The following ZFYVE28 variants were observed in gnomAD, a reference collection of about 807,000 sequenced individuals.
ZFYVE28 encodes the protein zinc finger FYVE-type containing 28.
Under a neutral mutation model 82.1 loss-of-function variants are expected in ZFYVE28, and 40 were observed. That is an observed-to-expected ratio of 0.49 (90% confidence interval 0.38 to 0.63). The LOEUF (loss-of-function observed/expected upper bound fraction) is 0.63, where lower values mean the gene tolerates loss of function less well. Ranked by LOEUF, ZFYVE28 falls within the 30% of genes least tolerant of loss-of-function variation. The probability of loss-of-function intolerance (pLI) is 0.00; values close to 1 mark genes in which losing one functional copy is unlikely to be tolerated. For missense variants in ZFYVE28, 1,321 were observed against 1,242.1 expected (o/e 1.06, Z -0.96); for synonymous variants, 612 against 546.1 (o/e 1.12, Z -1.68).
intron 1 of ZFYVE28, among the ~76,000 whole-genome samples, chr4:2,414,435 T>A (rs1005694556): frequency 2.6e-5 from 4 of 152,236 alleles, no homozygotes; most frequent in Admixed American, 2.6e-4. Flanking sequence ...AGTTGCCAAA[T>A]ACACATCACT....
At chr4:2,391,799 G>A (rs1729869264) in intron 1 of ZFYVE28, among the ~76,000 whole-genome samples, 1 of 147,100 alleles carries the variant, frequency 6.8e-6, no homozygotes, top group South Asian at 2.2e-4. Context: ...GCAGTGGTGT[G>A]ATCTCAGCTC....
chr4:2,288,612 T>C (rs1188431988), intron 8 of ZFYVE28, among the ~76,000 whole-genome samples: 1 of 152,234 alleles, frequency 6.6e-6, no homozygotes, highest in South Asian at 2.1e-4. Context: ...CTGAAGGCCC[T>C]TGGGCATCAC....
chr4:2,320,296 G>T lies in ZFYVE28; in HGVS notation c.702-25C>A, dbSNP rs1718889275. On this transcript the variant is annotated intron_variant, in intron 6 of 12. Transcript: ENST00000290974. This position sits in a 1 kb window ranked among gnomAD's most constrained non-coding sequence, Gnocchi z 5.1. The stretch of plus-strand genomic sequence containing the variant: ...ACTGCATTTGAGACACAAAAGCCAG[G>T]ATGTCAGGCCCTGTGGCCCCCTGGG... The T allele has an allele frequency of 6.2e-7, 1 of 1,608,296 alleles. No homozygotes were observed. The highest frequency in any genetic ancestry group is 1.3e-5 in the African/African-American group (1 of 74,692).
intron 1 of ZFYVE28, among the ~76,000 whole-genome samples, chr4:2,399,221 T>C (rs373372219): frequency 9.8e-4 from 148 of 151,172 alleles, no homozygotes; most frequent in African/African-American, 3.1e-3. Context: ...TGATAACCAG[T>C]GCACAATGTG....
rs1213207777 is a variant in ZFYVE28 at position 2,408,782 on chromosome 4, T to C, written c.39+9503A>G. ...CCCCACACTGTGAGTCCTGCCCATATAAGCCCCACCTAGATGAAGCCACGC... is the reference window on the plus strand; with the variant it reads ...CCCCACACTGTGAGTCCTGCCCATACAAGCCCCACCTAGATGAAGCCACGC... On this transcript the variant is annotated intron_variant, in intron 1 of 12. Transcript: ENST00000290974. This position sits in a 1 kb window ranked among gnomAD's most constrained non-coding sequence, Gnocchi z 4.3. 1.3e-5 allele frequency among the ~76,000 whole-genome samples: 2 copies of C among 151,966 alleles called. No individual in the cohort carries two copies. The highest frequency in any genetic ancestry group is 2.9e-5 in the Non-Finnish European group (2 of 67,968).
At chr4:2,365,661 CG>C (rs1578266917) in intron 1 of ZFYVE28, among the ~76,000 whole-genome samples, 1 of 152,146 alleles carries the variant, frequency 6.6e-6, no homozygotes, top group African/African-American at 2.4e-5. Context: ...TGCTGGAAGA[CG>C]GCCAGCACTG....
chr4:2,275,217 G>A (rs1213335634), intron 8 of ZFYVE28, among the ~76,000 whole-genome samples: 2 of 152,174 alleles, frequency 1.3e-5, no homozygotes, highest in African/African-American at 4.8e-5. Flanking sequence ...CAGCAGCTGC[G>A]TCCTCAGCTT....
chr4:2,294,651 A>AAAGAC (rs1330794984), intron 8 of ZFYVE28, among the ~76,000 whole-genome samples: 8 of 152,268 alleles, frequency 5.3e-5, no homozygotes, highest in Admixed American at 4.6e-4. Context: ...GTTAGAATGA[A>AAAGAC]AAGACAAGAC....
At chr4:2,331,820 C>A (rs1033764268) in intron 6 of ZFYVE28, among the ~76,000 whole-genome samples, 1 of 152,212 alleles carries the variant, frequency 6.6e-6, no homozygotes, top group Non-Finnish European at 1.5e-5. Flanking sequence ...CCCAGCACTC[C>A]CTTCCACCTC....
chr4:2,407,011 C>T (rs188498920), intron 1 of ZFYVE28, among the ~76,000 whole-genome samples: 440 of 152,152 alleles, frequency 2.9e-3, no homozygotes, highest in Admixed American at 4.3e-3. Flanking sequence ...TGATTGCTGT[C>T]CAGGCATTGC....
chr4:2,330,751 G>A (rs1002017901), intron 6 of ZFYVE28: 15 of 1,500,834 alleles, frequency 1.0e-5, no homozygotes, highest in African/African-American at 1.4e-5. Flanking sequence ...ACAGTGCGGG[G>A]GAGGGGACAG....
rs753399338 is a variant in ZFYVE28 at position 2,304,730 on chromosome 4, G to A, written c.1610C>T (p.Ala537Val). The part of the protein sequence containing the change: ...LDSAVATQEA[A>V]SEPVAEGMDG... ...CATCCCCTCGGCCACGGGCTCCGAG[G>A]CGGCCTCCTGGGTGGCGACCGCAGA... Residue 537 changes from alanine to valine, a missense_variant, in exon 8 of 13, where the codon GCC becomes GTC. By Grantham distance (64) the Ala-to-Val change is moderately conservative. Transcript: ENST00000290974. 4 of 1,612,708 alleles carry A rather than the reference G, an allele frequency of 2.5e-6. No individual in the cohort carries two copies. The highest frequency in any genetic ancestry group is 3.3e-5 in the Admixed American group (2 of 60,014).
At chr4:2,411,331 A>G (rs1732502279) in intron 1 of ZFYVE28, among the ~76,000 whole-genome samples, 1 of 152,222 alleles carries the variant, frequency 6.6e-6, no homozygotes, top group Non-Finnish European at 1.5e-5. Context: ...AAATCATTCC[A>G]TTCATCCTAT....
chr4:2,393,740 G>A (rs1049644239), intron 1 of ZFYVE28, among the ~76,000 whole-genome samples: 1 of 152,194 alleles, frequency 6.6e-6, no homozygotes, highest in Non-Finnish European at 1.5e-5. Context: ...CCCGTAACTG[G>A]ACACCCCCAG....
At chr4:2,369,356 C>A (rs10011996) in intron 1 of ZFYVE28, among the ~76,000 whole-genome samples, 14,820 of 152,240 alleles carry the variant, frequency 0.097, 906 homozygotes, top group South Asian at 0.13. Context: ...CAATGTGGCA[C>A]CTTTGTTGTG....
intron 1 of ZFYVE28, among the ~76,000 whole-genome samples, chr4:2,374,586 C>T (rs983830055): frequency 2.0e-5 from 3 of 152,082 alleles, no homozygotes; most frequent in Non-Finnish European, 4.4e-5. Context: ...TGCACTCCAG[C>T]CTGGGCGACA....
In ZFYVE28 at chr4:2,320,279, T is replaced by G. The variant is rs772164320; in HGVS notation, c.702-8A>C. On this transcript the variant is annotated splice_polypyrimidine_tract_variant and splice_region_variant and intron_variant, in intron 6 of 12. Transcript: ENST00000290974. This position sits in a 1 kb window ranked among gnomAD's most constrained non-coding sequence, Gnocchi z 5.1. ...GCATAGACCACGAGGCCACTGCATT[T>G]GAGACACAAAAGCCAGGATGTCAGG... The G allele has an allele frequency of 5.0e-6, 8 of 1,613,270 alleles. No individual in the cohort carries two copies. The East Asian group carries it at 1.8e-4, about 36-fold the overall frequency.
At position 2,303,382 on chromosome 4, in the gene ZFYVE28, C is replaced by A. The variant is rs914912324; in HGVS notation, c.2051+907G>T. Among the ~76,000 whole-genome samples the A allele has an allele frequency of 2.0e-5, 3 of 152,316 alleles. 1 individual carries two copies. Among genetic ancestry groups the A allele is most frequent in the Non-Finnish European group, 1.5e-5 (1 of 68,026 alleles). ...CCCTCACTCCTGCATCTGTGCCCCC[C>A]ACCTTCATCCCCATCTGCTGCCCGG... On this transcript the variant is annotated intron_variant, in intron 8 of 12. Coordinates refer to ENST00000290974, the MANE Select transcript of ZFYVE28 (RefSeq NM_020972.3).
intron 7 of ZFYVE28, among the ~76,000 whole-genome samples, chr4:2,315,359 C>T (rs1314054989): frequency 6.6e-6 from 1 of 152,172 alleles, no homozygotes; most frequent in African/African-American, 2.4e-5. Flanking sequence ...GATCTCTGCT[C>T]ACTGCAACTT....
Sources: gnomAD v4.1 joint callset for allele counts (sites outside exome capture counted in the v4.1 genomes callset) on GRCh38, gnomAD v4.1.1 for gene constraint, Gnocchi (gnomAD v3.1) non-coding constraint, MANE v1.5 for transcripts, NCBI Gene and HGNC (gene_info 2026-07-23, HGNC 2026-07-21) for gene names.